SLC39A11: variants seen among roughly 807,000 people sequenced by gnomAD.
SLC39A11 encodes the protein zinc transporter ZIP11.
Under a neutral mutation model 36.1 loss-of-function variants are expected in SLC39A11, and 33 were observed. The observed-to-expected ratio is 0.91, with a 90% CI of 0.69 to 1.22. The LOEUF (loss-of-function observed/expected upper bound fraction) is 1.22, where lower values mean the gene tolerates loss of function less well. Ranked by LOEUF, SLC39A11 falls within the 50% of genes most tolerant of loss-of-function variation. SLC39A11 has a pLI of 0.00. For synonymous variants in SLC39A11, 166 were observed against 170.3 expected (o/e 0.97, Z 0.20); for missense variants, 432 against 430.3 (o/e 1.00, Z -0.03).
chr17:72,754,020 GTATATATATA>G (rs58028460), intron 6 of SLC39A11, among the ~76,000 whole-genome samples: 57 of 108,350 alleles, frequency 5.3e-4, no homozygotes, highest in African/African-American at 1.7e-3. Context: ...ATGTATATAT[GTATATATATA>G]TATATATATA....
chr17:72,780,261 C>T (rs1272948297), intron 6 of SLC39A11, among the ~76,000 whole-genome samples: 1 of 152,190 alleles, frequency 6.6e-6, no homozygotes, highest in East Asian at 1.9e-4. Context: ...ACAAGGCCTT[C>T]TCTGAAAACA....
intron 4 of SLC39A11, among the ~76,000 whole-genome samples, chr17:72,950,959 C>G (rs2085817308): frequency 6.6e-6 from 1 of 152,000 alleles, no homozygotes; most frequent in Non-Finnish European, 1.5e-5. Context: ...AGGACAGCCC[C>G]CACAACAGAG....
intron 4 of SLC39A11, among the ~76,000 whole-genome samples, chr17:72,995,443 T>C (rs573324506): frequency 1.3e-5 from 2 of 152,230 alleles, no homozygotes; most frequent in Non-Finnish European, 2.9e-5. Flanking sequence ...TTGACTGGAC[T>C]AAGGGATGCC....
At position 72,837,393 on chromosome 17, in the gene SLC39A11, T is replaced by G. The variant is rs563648566; in HGVS notation, c.601+12241A>C. ...AAAAAAAAAAAAAAAGCAGGACTCATAGACACCCCAAGCAAGTGCCATGGT... is the reference window on the plus strand; with the variant it reads ...AAAAAAAAAAAAAAAGCAGGACTCAGAGACACCCCAAGCAAGTGCCATGGT... On this transcript the variant is annotated intron_variant, in intron 6 of 9. Coordinates refer to ENST00000255559, the MANE Select transcript of SLC39A11 (RefSeq NM_139177.4). 4.6e-3 allele frequency among the ~76,000 whole-genome samples: 629 copies of G among 135,796 alleles called. 6 individuals are homozygous for G. The highest frequency in any genetic ancestry group is 9.2e-3 in the Admixed American group (122 of 13,276). The allele number at this position is 135,796 out of a possible 152,430, so 89.1% of individuals were successfully genotyped here. A position where few individuals can be genotyped will look rare whatever the true frequency, so the allele number is the denominator to read the frequency against.
At chr17:72,797,360 C>G (rs1322747728) in intron 6 of SLC39A11, among the ~76,000 whole-genome samples, 1 of 152,044 alleles carries the variant, frequency 6.6e-6, no homozygotes, top group East Asian at 1.9e-4. Context: ...TGTAGGAACA[C>G]TGACTAAGAT....
chr17:72,747,001 C>T (rs549816724), intron 6 of SLC39A11, among the ~76,000 whole-genome samples: 8 of 152,138 alleles, frequency 5.3e-5, no homozygotes, highest in South Asian at 2.1e-4. Flanking sequence ...GAGCTATGAT[C>T]GCACCACTGC....
At chr17:72,649,589 CTG>C (rs1315736193) in intron 7 of SLC39A11, among the ~76,000 whole-genome samples, 1 of 152,138 alleles carries the variant, frequency 6.6e-6, no homozygotes, top group Admixed American at 6.5e-5. Flanking sequence ...GGCTGTATAA[CTG>C]CACTTTTCAT....
At chr17:72,661,112 G>A (rs1021139406) in intron 7 of SLC39A11, among the ~76,000 whole-genome samples, 2 of 152,160 alleles carry the variant, frequency 1.3e-5, no homozygotes, top group Non-Finnish European at 2.9e-5. Flanking sequence ...GACAGATTTG[G>A]GGCTGAGCAA....
chr17:72,721,171 A>G (rs1297492393), intron 7 of SLC39A11, among the ~76,000 whole-genome samples: 2 of 147,530 alleles, frequency 1.4e-5, no homozygotes, highest in Admixed American at 1.4e-4. Context: ...ATCTCGGCTC[A>G]CTGCAACCTC....
intron 7 of SLC39A11, among the ~76,000 whole-genome samples, chr17:72,730,538 C>G (rs2074173572): frequency 6.6e-6 from 1 of 152,226 alleles, no homozygotes; most frequent in African/African-American, 2.4e-5. Context: ...CATCTGACGG[C>G]TGAATTATTT....
chr17:72,917,222 C>G (rs1381356477), intron 5 of SLC39A11, among the ~76,000 whole-genome samples: 1 of 152,234 alleles, frequency 6.6e-6, no homozygotes, highest in Admixed American at 6.5e-5. Context: ...CTCTTCTCCA[C>G]TTCTCTCTTC....
chr17:73,047,245 C>T lies in SLC39A11; in HGVS notation c.148-15531G>A, dbSNP rs569120323. 4.6e-5 allele frequency among the ~76,000 whole-genome samples: 7 copies of T among 151,764 alleles called. No homozygotes were observed. In the South Asian group the frequency reaches 6.2e-4, roughly 14 times the overall value. On this transcript the variant is annotated intron_variant, in intron 3 of 9. Transcript: ENST00000255559. ...TGCACCGTGTTAGCCAGGATGGTCT[C>T]GATCTCCTGACCTCGTGATCCGCCC...
At chr17:72,791,441 A>G (rs1420308248) in intron 6 of SLC39A11, among the ~76,000 whole-genome samples, 1 of 152,216 alleles carries the variant, frequency 6.6e-6, no homozygotes, top group Non-Finnish European at 1.5e-5. Flanking sequence ...GACAGAAAGA[A>G]ACTCTGTCTC....
intron 5 of SLC39A11, among the ~76,000 whole-genome samples, chr17:72,919,052 G>C (rs146697194): frequency 6.6e-6 from 1 of 152,108 alleles, no homozygotes; most frequent in Non-Finnish European, 1.5e-5. Flanking sequence ...GACCCAGTGA[G>C]ACTCTGTCTC....
intron 7 of SLC39A11, among the ~76,000 whole-genome samples, chr17:72,698,453 A>G (rs1259807800): frequency 1.5e-5 from 2 of 130,476 alleles, no homozygotes; most frequent in Non-Finnish European, 3.1e-5. Context: ...TCTCCATAAT[A>G]AAAACCAAAA....
intron 5 of SLC39A11, among the ~76,000 whole-genome samples, chr17:72,895,308 C>T (rs941267649): frequency 2.6e-5 from 4 of 152,060 alleles, no homozygotes; most frequent in Non-Finnish European, 5.9e-5. Context: ...GCTGGGTGCG[C>T]GGGCTCACAC....
intron 6 of SLC39A11, among the ~76,000 whole-genome samples, chr17:72,740,054 T>C (rs2074609670): frequency 7.8e-6 from 1 of 129,002 alleles, no homozygotes; most frequent in South Asian, 2.4e-4. Flanking sequence ...TTCTTTCCTT[T>C]TCTTTTTTTT....
intron 6 of SLC39A11, among the ~76,000 whole-genome samples, chr17:72,814,036 A>G (rs1288795383): frequency 1.3e-5 from 2 of 152,180 alleles, no homozygotes; most frequent in Non-Finnish European, 1.5e-5. Flanking sequence ...AACTGTTGAC[A>G]TTACCCTCTC....
intron 4 of SLC39A11, among the ~76,000 whole-genome samples, chr17:72,956,514 G>A (rs144560287): frequency 3.3e-5 from 5 of 152,168 alleles, no homozygotes; most frequent in Admixed American, 6.5e-5. Flanking sequence ...TTTTCTTTTC[G>A]CTCAAAAATA....
Sources: allele counts gnomAD v4.1 joint callset (sites outside exome capture counted in the v4.1 genomes callset), GRCh38; gene constraint gnomAD v4.1.1; transcripts MANE v1.5; gene names NCBI Gene and HGNC (gene_info 2026-07-23, HGNC 2026-07-21).